The following POU6F2 variants were observed in gnomAD, a reference collection of about 807,000 sequenced individuals.
POU6F2 encodes POU domain, class 6, transcription factor 2.
POU6F2 carries 31 observed loss-of-function variants against 71.3 expected under a neutral mutation model. The ratio of observed to expected loss-of-function variants is 0.43; its 90% CI spans 0.33 to 0.59. POU6F2 has a LOEUF of 0.59. Among genes scored for constraint, POU6F2 ranks in the 20% least tolerant of loss-of-function variants. The pLI, the probability that POU6F2 is intolerant of heterozygous loss-of-function variation, is 0.04. For missense variants in POU6F2, 783 were observed against 856.8 expected (o/e 0.91, Z 1.07); for synonymous variants, 347 against 355.7 (o/e 0.98, Z 0.27).
At chr7:39,020,413 G>A (rs1789656948) in intron 1 of POU6F2, among the ~76,000 whole-genome samples, 1 of 152,114 alleles carries the variant, frequency 6.6e-6, no homozygotes, top group African/African-American at 2.4e-5. Context: ...CAAAGTTCAT[G>A]CAGAAGTATT....
In POU6F2 at chr7:39,433,413, C is replaced by T. The variant is rs528017262; in HGVS notation, c.1320+130C>T. ...GTTGATCTCACTCATCTGAACATAT[C>T]GATACTTATAAAATGGCATGTAACT... On this transcript the variant is annotated intron_variant, in intron 7 of 9. Coordinates refer to ENST00000518318, the MANE Select transcript of POU6F2 (RefSeq NM_001370959.1). 1.3e-3 allele frequency: 1,265 copies of T among 975,904 alleles called. 5 individuals are homozygous for T. Among genetic ancestry groups the T allele is most frequent in the Non-Finnish European group, 1.5e-3 (1,024 of 672,336 alleles). The allele number at this position is 975,904 out of a possible 1,614,324, so 60.5% of individuals were successfully genotyped here. A position where few individuals can be genotyped will look rare whatever the true frequency, so the allele number is the denominator to read the frequency against.
At chr7:39,379,340 C>T (rs1036923072) in intron 5 of POU6F2, among the ~76,000 whole-genome samples, 5 of 152,290 alleles carry the variant, frequency 3.3e-5, no homozygotes, top group Admixed American at 6.5e-5. Context: ...CTTCCTCCAG[C>T]AATCAATCCG....
intron 7 of POU6F2, among the ~76,000 whole-genome samples, chr7:39,435,936 T>C (rs1425244004): frequency 6.6e-6 from 1 of 152,192 alleles, no homozygotes; most frequent in Non-Finnish European, 1.5e-5. Context: ...TAGTTTTAGA[T>C]GTGTGGTGTT....
At position 39,273,280 on chromosome 7, in the gene POU6F2, G is replaced by A. The variant is rs181001431; in HGVS notation, c.598+65660G>A. Reference sequence around the variant, plus strand: ...CAGAGTGTAAAAATGGAAAAATACTGTACAGTGAACAAACCTAGAAAACAT... The same window carrying A: ...CAGAGTGTAAAAATGGAAAAATACTATACAGTGAACAAACCTAGAAAACAT... On this transcript the variant is annotated intron_variant, in intron 4 of 9. Transcript: ENST00000518318. Among the ~76,000 whole-genome samples, 148 of 152,218 alleles carry A rather than the reference G, an allele frequency of 9.7e-4. 1 individual carries two copies. The highest frequency in any genetic ancestry group is 3.4e-3 in the Middle Eastern group (1 of 294).
chr7:38,980,078 T>C (rs1376309662), intron 1 of POU6F2, among the ~76,000 whole-genome samples: 2 of 152,196 alleles, frequency 1.3e-5, no homozygotes, highest in African/African-American at 2.4e-5. Flanking sequence ...ATGTACTCTT[T>C]AGTATAATTG....
intron 4 of POU6F2, among the ~76,000 whole-genome samples, chr7:39,295,764 T>C (rs1216555005): frequency 1.3e-5 from 2 of 152,244 alleles, no homozygotes; most frequent in Non-Finnish European, 2.9e-5. Context: ...TTGTCTAAAA[T>C]TCATCCACTA....
chr7:39,420,616 AT>A (rs764825427), intron 6 of POU6F2, among the ~76,000 whole-genome samples: 1 of 152,288 alleles, frequency 6.6e-6, no homozygotes, highest in East Asian at 1.9e-4. Context: ...AAATGCTCCA[AT>A]TTTTTTAGCA....
chr7:39,154,887 GC>G (rs1381369773), intron 2 of POU6F2, among the ~76,000 whole-genome samples: 3 of 152,084 alleles, frequency 2.0e-5, no homozygotes, highest in Non-Finnish European at 4.4e-5. Context: ...TAATCCCATG[GC>G]CCGGAAATAG....
At chr7:39,451,886 T>C (rs887817745) in intron 8 of POU6F2, among the ~76,000 whole-genome samples, 185 bp downstream of exon 8, 2 of 152,186 alleles carry the variant, frequency 1.3e-5, no homozygotes, top group Non-Finnish European at 2.9e-5. Context: ...AGATGGTTCC[T>C]TAGGGAAGCA....
chr7:39,174,083 A>G (rs1793280212), intron 2 of POU6F2, among the ~76,000 whole-genome samples: 1 of 152,234 alleles, frequency 6.6e-6, no homozygotes, highest in Admixed American at 6.5e-5. Context: ...AGGATGGGAA[A>G]GATCTACCAA....
chr7:39,185,686 T>G lies in POU6F2; in HGVS notation c.278-18549T>G, dbSNP rs530912662. 2.0e-5 allele frequency among the ~76,000 whole-genome samples: 3 copies of G among 152,096 alleles called. No individual in the cohort carries two copies. The South Asian group carries it at 6.2e-4, about 32-fold the overall frequency. ...ACCATTAGTTTAATGGTAGCTTCATTGCCAGGTTGTAGGCCCCAGAGGCTC... is the reference window on the plus strand; with the variant it reads ...ACCATTAGTTTAATGGTAGCTTCATGGCCAGGTTGTAGGCCCCAGAGGCTC... On this transcript the variant is annotated intron_variant, in intron 2 of 9. Transcript: ENST00000518318.
At chr7:39,081,821 C>T (rs1364885848) in intron 1 of POU6F2, among the ~76,000 whole-genome samples, 2 of 152,162 alleles carry the variant, frequency 1.3e-5, no homozygotes, top group African/African-American at 2.4e-5. Flanking sequence ...ATCTGGGATA[C>T]CCCATGAATT....
chr7:39,025,696 C>T (rs1789784890), intron 1 of POU6F2, among the ~76,000 whole-genome samples: 1 of 151,090 alleles, frequency 6.6e-6, no homozygotes, highest in Non-Finnish European at 1.5e-5. Flanking sequence ...TGGGCAAGGA[C>T]TTCATGTCTA....
intron 8 of POU6F2, among the ~76,000 whole-genome samples, chr7:39,454,608 T>A (rs1417175039): frequency 7.3e-6 from 1 of 136,780 alleles, no homozygotes; most frequent in Non-Finnish European, 1.6e-5. Context: ...TAGGAAATTA[T>A]AAGAGTCTTA....
intron 1 of POU6F2, among the ~76,000 whole-genome samples, chr7:39,025,379 T>C (rs1263055675): frequency 6.6e-6 from 1 of 152,198 alleles, no homozygotes; most frequent in Non-Finnish European, 1.5e-5. Context: ...CAAAACAGCA[T>C]GGTACTGGTA....
At chr7:39,336,071 G>C (rs1562794593) in intron 4 of POU6F2, among the ~76,000 whole-genome samples, 1 of 152,182 alleles carries the variant, frequency 6.6e-6, no homozygotes, top group Non-Finnish European at 1.5e-5. Context: ...ATGTAACTTG[G>C]TCCCCAGTGT....
At chr7:39,097,668 G>T (rs1791482311) in intron 2 of POU6F2, among the ~76,000 whole-genome samples, 1 of 152,172 alleles carries the variant, frequency 6.6e-6, no homozygotes, top group African/African-American at 2.4e-5. Flanking sequence ...ATAAATGTTT[G>T]TTGAGCACCT....
intron 6 of POU6F2, among the ~76,000 whole-genome samples, chr7:39,419,332 A>G (rs1004202324): frequency 1.3e-5 from 2 of 151,690 alleles, no homozygotes; most frequent in African/African-American, 4.8e-5. Flanking sequence ...TCTGCCTGCT[A>G]GGTTCAAGCG....
chr7:38,984,401 G>A (rs1282163418), intron 1 of POU6F2: 1 of 152,082 alleles, frequency 6.6e-6, no homozygotes, highest in Non-Finnish European at 1.5e-5. Context: ...AGGCAGGAAA[G>A]GGCACTGGAA....
Sources: allele counts gnomAD v4.1 joint callset (sites outside exome capture counted in the v4.1 genomes callset), GRCh38; gene constraint gnomAD v4.1.1; transcripts MANE v1.5; gene names NCBI Gene and HGNC (gene_info 2026-07-23, HGNC 2026-07-21).